The following LMX1A variants were observed in gnomAD, a reference collection of about 807,000 sequenced individuals.
LMX1A encodes the protein LIM homeobox transcription factor 1 alpha.
A neutral mutation model predicts 49.1 loss-of-function variants in LMX1A; 15 were observed. The observed-to-expected ratio is 0.31, with a 90% CI of 0.20 to 0.47. The LOEUF is 0.47. Among genes scored for constraint, LMX1A ranks in the 20% least tolerant of loss-of-function variants. The pLI is 1.00. For synonymous variants in LMX1A, 167 were observed against 185.7 expected, an observed-to-expected ratio of 0.90 and a Z score of 0.82; for missense variants, 372 against 475.8, an observed-to-expected ratio of 0.78 and a Z score of 2.03.
At chr1:165,310,042 A>G (rs1251589876) in intron 3 of LMX1A, among the ~76,000 whole-genome samples, 2 of 152,184 alleles carry the variant, frequency 1.3e-5, no homozygotes, top group Non-Finnish European at 1.5e-5. Context: ...TGGCAGTCAC[A>G]ATTTGAATCC....
chr1:165,256,882 T>C (rs1653260838), intron 3 of LMX1A, among the ~76,000 whole-genome samples: 1 of 152,098 alleles, frequency 6.6e-6, no homozygotes, highest in African/African-American at 2.4e-5. Context: ...CACACCCCTG[T>C]ACTGCAGGCA....
intron 4 of LMX1A, among the ~76,000 whole-genome samples, chr1:165,242,403 A>G (rs1369526669): frequency 6.6e-6 from 1 of 151,946 alleles, no homozygotes; most frequent in Non-Finnish European, 1.5e-5. Flanking sequence ...AATAAATCCT[A>G]GGCATAATCT....
chr1:165,355,554 C>T lies in LMX1A; in HGVS notation c.6G>A (p.Leu2=), dbSNP rs372269250. The T allele has an allele frequency of 2.0e-5, 33 of 1,613,648 alleles. No individual in the cohort carries two copies. Among genetic ancestry groups the T allele is most frequent in the Non-Finnish European group, 2.8e-5 (33 of 1,179,926 alleles). The change falls in exon 2 of 9, where the codon CTG becomes CTA. Residue 2 remains leucine (L), a synonymous_variant. Transcript: ENST00000342310. The surrounding 1 kb of genome is among the most constrained non-coding windows in gnomAD (Gnocchi z 4.7). ...AGTTCTCCTCCATCTTTAGGCCGTC[C>T]AGCATGTTCGGGCCGGGCCGGGAGG... M[L]DGLKMEENFQ...
chr1:165,290,121 C>T (rs988515340), intron 3 of LMX1A, among the ~76,000 whole-genome samples: 2 of 152,228 alleles, frequency 1.3e-5, no homozygotes, highest in Non-Finnish European at 2.9e-5. Flanking sequence ...ATCACATAGT[C>T]TACATCTGGC....
intron 3 of LMX1A, among the ~76,000 whole-genome samples, chr1:165,318,497 G>A (rs1391348652): frequency 1.3e-5 from 2 of 152,040 alleles, no homozygotes; most frequent in Non-Finnish European, 2.9e-5. Flanking sequence ...AGGACTCCAA[G>A]CCATTTGCTC....
intron 3 of LMX1A, among the ~76,000 whole-genome samples, chr1:165,258,220 A>T (rs1485610723): frequency 6.6e-6 from 1 of 152,260 alleles, no homozygotes; most frequent in Non-Finnish European, 1.5e-5. Flanking sequence ...TCTGCCGGAA[A>T]ATCTGCTGCT....
intron 4 of LMX1A, among the ~76,000 whole-genome samples, chr1:165,214,650 C>T (rs942271606): frequency 1.3e-5 from 2 of 152,300 alleles, no homozygotes; most frequent in South Asian, 4.1e-4. Flanking sequence ...GACACTATGT[C>T]TGAAACTCTA....
intron 2 of LMX1A, among the ~76,000 whole-genome samples, chr1:165,354,656 T>C (rs1462142638): frequency 6.6e-6 from 1 of 152,202 alleles, no homozygotes. Flanking sequence ...TCCACATTCA[T>C]GCCGCTCTAG....
intron 6 of LMX1A, among the ~76,000 whole-genome samples, chr1:165,209,226 GA>G (rs1277763057): frequency 6.6e-6 from 1 of 152,208 alleles, no homozygotes; most frequent in Non-Finnish European, 1.5e-5. Flanking sequence ...GTCAGTTAGA[GA>G]AATGCTACCT....
intron 3 of LMX1A, among the ~76,000 whole-genome samples, chr1:165,331,992 T>C (rs187163004): frequency 4.1e-4 from 63 of 152,206 alleles, no homozygotes; most frequent in Middle Eastern, 3.4e-3. Context: ...GTAAAAGGAA[T>C]AGAGGAAGAG....
intron 4 of LMX1A, among the ~76,000 whole-genome samples, chr1:165,241,401 G>C (rs1269394134): frequency 6.6e-6 from 1 of 152,164 alleles, no homozygotes; most frequent in African/African-American, 2.4e-5. Flanking sequence ...ATTGGACATT[G>C]ATCAAGTTTC....
In LMX1A at chr1:165,353,205, C is replaced by G; in HGVS notation, c.134G>C (p.Arg45Thr). The part of the protein sequence containing the change: ...CEGCQRVILD[R>T]FLLRLNDSFW... Reference sequence around the variant, plus strand: ...GCTGTCGTTGAGCCGCAGCAGAAACCTGTCCAAGATGACCCGCTGACAGCC... The same window carrying G: ...GCTGTCGTTGAGCCGCAGCAGAAACGTGTCCAAGATGACCCGCTGACAGCC... The change falls in exon 3 of 9, where the codon AGG (arginine) becomes ACG (threonine). Residue 45 changes from arginine (R) to threonine (T), a missense_variant. Coordinates refer to ENST00000342310, the MANE Select transcript of LMX1A (RefSeq NM_177398.4). 3 of 1,614,064 alleles carry G rather than the reference C, an allele frequency of 1.9e-6. No homozygotes were observed. Among genetic ancestry groups the G allele is most frequent in the Non-Finnish European group, 2.5e-6 (3 of 1,180,040 alleles).
intron 4 of LMX1A, chr1:165,215,856 C>T (rs1329769584): frequency 6.6e-6 from 1 of 152,188 alleles, no homozygotes; most frequent in Non-Finnish European, 1.5e-5. Context: ...GTTGCTGAGC[C>T]TTGGTTTCCA....
In LMX1A at chr1:165,202,595, A is replaced by C. The variant is rs1571140217; in HGVS notation, c.*1285T>G. 6.6e-6 allele frequency: 1 copy of C among 152,178 alleles called. No homozygotes were observed. The highest frequency in any genetic ancestry group is 1.9e-4 in the East Asian group (1 of 5,168). The allele number at this position is 152,178 out of a possible 1,614,324, so 9.4% of individuals were successfully genotyped here. On this transcript the variant is annotated 3_prime_UTR_variant, in exon 9 of 9. Transcript: ENST00000342310. ...CTTTTTTTTAATGACCTCAAAAAAAAAGTAAAAACCATTCTTTGCTGGCAA... is the reference window on the plus strand; with the variant it reads ...CTTTTTTTTAATGACCTCAAAAAAACAGTAAAAACCATTCTTTGCTGGCAA...
intron 3 of LMX1A, among the ~76,000 whole-genome samples, chr1:165,346,388 A>G (rs1344446293): frequency 6.6e-6 from 1 of 152,226 alleles, no homozygotes; most frequent in Non-Finnish European, 1.5e-5. Flanking sequence ...GACTAGGAAA[A>G]GCACAGTCCA....
chr1:165,309,630 C>T (rs1163331307), intron 3 of LMX1A, among the ~76,000 whole-genome samples: 1 of 152,176 alleles, frequency 6.6e-6, no homozygotes, highest in African/African-American at 2.4e-5. Flanking sequence ...TTTGTACTCC[C>T]CACATGGCTC....
chr1:165,300,851 C>A (rs1033654532), intron 3 of LMX1A, among the ~76,000 whole-genome samples: 3 of 152,118 alleles, frequency 2.0e-5, no homozygotes, highest in African/African-American at 7.2e-5. Flanking sequence ...ATTCATGATT[C>A]CCAGGATGTC....
chr1:165,225,846 C>T (rs1194523481), intron 4 of LMX1A, among the ~76,000 whole-genome samples: 4 of 152,150 alleles, frequency 2.6e-5, no homozygotes, highest in African/African-American at 9.7e-5. Context: ...CCCACCCCTA[C>T]ACTCCCACCC....
At chr1:165,273,491 C>T (rs936841507) in intron 3 of LMX1A, among the ~76,000 whole-genome samples, 2 of 152,170 alleles carry the variant, frequency 1.3e-5, no homozygotes, top group Non-Finnish European at 2.9e-5. Flanking sequence ...AACTAGGAAC[C>T]TCTTGGAGCT....
Sources: gnomAD v4.1 joint callset for allele counts (sites outside exome capture counted in the v4.1 genomes callset) on GRCh38, gnomAD v4.1.1 for gene constraint, Gnocchi (gnomAD v3.1) non-coding constraint, MANE v1.5 for transcripts, NCBI Gene and HGNC (gene_info 2026-07-23, HGNC 2026-07-21) for gene names.